The following CSMD1 variants were observed in gnomAD, a reference collection of about 807,000 sequenced individuals.
CSMD1 encodes CUB and Sushi multiple domains 1, also known as CUB and sushi domain-containing protein 1.
CSMD1 carries 213 observed loss-of-function variants against 417.5 expected under a neutral mutation model. The observed-to-expected ratio is 0.51, with a 90% CI of 0.46 to 0.57. The LOEUF is 0.57. Ranked by LOEUF, CSMD1 falls within the 20% of genes least tolerant of loss-of-function variation. CSMD1 has a pLI of 0.00. For missense variants in CSMD1, 6,923 were observed against 4,529.7 expected (o/e 1.53, Z -15.17); for synonymous variants, 2,862 against 1,736.8 (o/e 1.65, Z -16.11).
intron 1 of CSMD1, among the ~76,000 whole-genome samples, chr8:4,823,934 C>G (rs1318912242): frequency 6.6e-6 from 1 of 151,828 alleles, no homozygotes; most frequent in African/African-American, 2.4e-5. Context: ...AGCATTCTAA[C>G]CAGAGAATAT....
At chr8:4,620,913 G>A (rs956083662) in intron 2 of CSMD1, among the ~76,000 whole-genome samples, 2 of 151,484 alleles carry the variant, frequency 1.3e-5, no homozygotes, top group African/African-American at 2.4e-5. Context: ...AAAAAAATAG[G>A]CAACTGGCAA....
At chr8:3,776,021 A>C (rs543739010) in intron 5 of CSMD1, among the ~76,000 whole-genome samples, 2 of 151,778 alleles carry the variant, frequency 1.3e-5, no homozygotes, top group South Asian at 4.2e-4. Flanking sequence ...TTTCCCCTTG[A>C]CTCTCTATTC....
At chr8:4,390,245 G>A (rs1803750308) in intron 3 of CSMD1, among the ~76,000 whole-genome samples, 1 of 151,980 alleles carries the variant, frequency 6.6e-6, no homozygotes, top group Admixed American at 6.6e-5. Flanking sequence ...TCTTCTTGGG[G>A]AAAAAGAAAA....
chr8:4,183,797 G>C (rs970244847), intron 3 of CSMD1, among the ~76,000 whole-genome samples: 2 of 152,166 alleles, frequency 1.3e-5, no homozygotes. Flanking sequence ...CATCACTTGA[G>C]TATTTCTGTA....
intron 1 of CSMD1, among the ~76,000 whole-genome samples, chr8:4,980,379 G>T (rs1370899271): frequency 6.6e-6 from 1 of 152,184 alleles, no homozygotes; most frequent in Non-Finnish European, 1.5e-5. Flanking sequence ...AGGAGCAATA[G>T]AGGCGGAGTG....
chr8:3,956,613 G>C (rs370102045), intron 5 of CSMD1, among the ~76,000 whole-genome samples: 1 of 152,168 alleles, frequency 6.6e-6, no homozygotes, highest in Non-Finnish European at 1.5e-5. Flanking sequence ...ATTAAATTCT[G>C]ATAACAAGAC....
At chr8:4,172,621 T>A (rs772693591) in intron 3 of CSMD1, among the ~76,000 whole-genome samples, 14 of 152,184 alleles carry the variant, frequency 9.2e-5, no homozygotes, top group Non-Finnish European at 2.1e-4. Flanking sequence ...GAACCCACCC[T>A]CCTGGTATTT....
chr8:3,404,601 G>C (rs1161526), intron 15 of CSMD1, among the ~76,000 whole-genome samples: 12 of 152,170 alleles, frequency 7.9e-5, no homozygotes, highest in Non-Finnish European at 1.3e-4. Context: ...ATATATTCCT[G>C]TTCTATTCAC....
At chr8:4,859,635 T>C (rs1802010388) in intron 1 of CSMD1, among the ~76,000 whole-genome samples, 1 of 152,234 alleles carries the variant, frequency 6.6e-6, no homozygotes, top group East Asian at 1.9e-4. Context: ...AAGACGTTTA[T>C]ACAGCCAAAA....
Position 3,187,982 on chromosome 8 carries a change from T to C in CSMD1, c.5524-17A>G, listed in dbSNP as rs775683278. On this transcript the variant is annotated splice_polypyrimidine_tract_variant and intron_variant, in intron 35 of 69. Transcript: ENST00000635120. ...CACTTGGATCTACCAAACCATGACA[T>C]TAAGTTAATATTTATTTTTGGCTTA... The C allele has an allele frequency of 1.2e-6, 2 of 1,604,914 alleles. No individual in the cohort carries two copies. The highest frequency in any genetic ancestry group is 1.7e-6 in the Non-Finnish European group (2 of 1,174,742).
chr8:3,949,797 C>G (rs2740867), intron 5 of CSMD1, among the ~76,000 whole-genome samples: 144,947 of 152,220 alleles, frequency 0.95, 69,086 homozygotes, highest in African/African-American at 0.99. Context: ...GCCTCTAACA[C>G]ATGGAAAGCT....
At chr8:4,857,462 A>C (rs1414758974) in intron 1 of CSMD1, among the ~76,000 whole-genome samples, 1 of 152,240 alleles carries the variant, frequency 6.6e-6, no homozygotes, top group Non-Finnish European at 1.5e-5. Context: ...CCTTCAAAAA[A>C]TTAATGAATC....
chr8:4,220,893 G>C (rs1014351208), intron 3 of CSMD1, among the ~76,000 whole-genome samples: 1 of 152,172 alleles, frequency 6.6e-6, no homozygotes, highest in African/African-American at 2.4e-5. Context: ...GACTGGATGT[G>C]GGAGGAATAA....
intron 26 of CSMD1, among the ~76,000 whole-genome samples, chr8:3,266,324 G>A (rs576894562): frequency 7.2e-5 from 11 of 151,886 alleles, no homozygotes; most frequent in South Asian, 2.1e-4. Flanking sequence ...AGAACCACCC[G>A]GCCGGGCACA....
chr8:3,369,820 T>A (rs1403672217), intron 18 of CSMD1, among the ~76,000 whole-genome samples: 1 of 152,192 alleles, frequency 6.6e-6, no homozygotes, highest in Non-Finnish European at 1.5e-5. Flanking sequence ...GTGGCAACAA[T>A]TAGGATGTCT....
intron 3 of CSMD1, among the ~76,000 whole-genome samples, chr8:4,076,627 C>A (rs570501551): frequency 6.6e-6 from 1 of 152,202 alleles, no homozygotes; most frequent in South Asian, 2.1e-4. Flanking sequence ...TGCCTGTTAC[C>A]TTTATTATAA....
chr8:3,191,923 G>A, intron 33 of CSMD1, among the ~76,000 whole-genome samples: 1 of 152,258 alleles, frequency 6.6e-6, no homozygotes, highest in East Asian at 1.9e-4. Context: ...TTAGCAGAAT[G>A]TTCTCGTATA....
chr8:3,620,417 A>G (rs538076228), intron 7 of CSMD1, among the ~76,000 whole-genome samples: 1 of 152,270 alleles, frequency 6.6e-6, no homozygotes, highest in East Asian at 1.9e-4. Context: ...TAAAACCCCC[A>G]TGTTCATTTC....
intron 3 of CSMD1, among the ~76,000 whole-genome samples, chr8:4,326,091 G>A (rs1482270759): frequency 1.3e-5 from 2 of 152,130 alleles, no homozygotes; most frequent in Admixed American, 6.5e-5. Flanking sequence ...TACCAGAACG[G>A]AGTGGTAAAT....
Sources: allele counts gnomAD v4.1 joint callset (sites outside exome capture counted in the v4.1 genomes callset), GRCh38; gene constraint gnomAD v4.1.1; transcripts MANE v1.5; gene names NCBI Gene and HGNC (gene_info 2026-07-23, HGNC 2026-07-21).